The following TRIM23 variants were observed in gnomAD, a reference collection of about 807,000 sequenced individuals.
The protein encoded by TRIM23 is tripartite motif containing 23, also known as E3 ubiquitin-protein ligase TRIM23.
Under a neutral mutation model 71.0 loss-of-function variants are expected in TRIM23, and 27 were observed. That is an observed-to-expected ratio of 0.38 (90% CI 0.28 to 0.52). The LOEUF is 0.52. Among genes scored for constraint, TRIM23 ranks in the 20% least tolerant of loss-of-function variants. TRIM23 has a pLI of 0.84. For synonymous variants in TRIM23, 234 were observed against 238.0 expected (o/e 0.98, Z 0.16); for missense variants, 482 against 692.3 (o/e 0.70, Z 3.41).
chr5:65,618,035 G>A, intron 2 of TRIM23, 58 bp downstream of exon 2: 1 of 1,451,662 alleles, frequency 6.9e-7, no homozygotes, highest in South Asian at 1.4e-5. Flanking sequence ...TGTTTCCTAT[G>A]ACATTTGCAT....
Position 65,613,985 on chromosome 5 carries a change from G to A in TRIM23, c.366+113C>T, listed in dbSNP as rs983141785. 71 of 1,544,474 alleles carry A rather than the reference G, an allele frequency of 4.6e-5. 1 individual carries two copies. In the Middle Eastern group the frequency reaches 1.9e-3, roughly 42 times the overall value. ...GAACTGTAATGTAATGAAAAGTTGT[G>A]TTTCTAGAAATTTACCTGCTGAAAT... On this transcript the variant is annotated intron_variant, in intron 3 of 10. Transcript: ENST00000231524.
intron 2 of TRIM23, among the ~76,000 whole-genome samples, chr5:65,617,159 ACTGT>A (rs534907122): frequency 9.9e-4 from 150 of 151,776 alleles, no homozygotes; most frequent in South Asian, 9.8e-3. Context: ...TAATGTTATT[ACTGT>A]CTATTAGTTG....
rs758760022 is a variant in TRIM23 at position 65,611,687 on chromosome 5, C to T, written c.561G>A (p.Glu187=). 6.2e-7 allele frequency: 1 copy of T among 1,614,218 alleles called. No homozygotes were observed. The highest frequency in any genetic ancestry group is 8.5e-7 in the Non-Finnish European group (1 of 1,180,030). Residue 187 remains glutamate (E), a synonymous_variant, in exon 4 of 11, where the codon GAG becomes GAA. Coordinates refer to ENST00000231524, the MANE Select transcript of TRIM23 (RefSeq NM_001656.4). Reference sequence around the variant, plus strand: ...GACAACCTTCTTCCAAGCAAACAAACTCAATGGCATGCACCTGGTGCTGAG... The same window carrying T: ...GACAACCTTCTTCCAAGCAAACAAATTCAATGGCATGCACCTGGTGCTGAG... ...MCSQHQVHAI[E]FVCLEEGCQT...
chr5:65,608,762 C>A (rs1367027515), intron 6 of TRIM23, among the ~76,000 whole-genome samples: 2 of 152,080 alleles, frequency 1.3e-5, no homozygotes, highest in African/African-American at 2.4e-5. Flanking sequence ...ACAAAACATA[C>A]GTTTGCTCTA....
intron 1 of TRIM23, among the ~76,000 whole-genome samples, chr5:65,620,702 G>A (rs956555294): frequency 2.6e-5 from 4 of 152,138 alleles, no homozygotes; most frequent in Non-Finnish European, 4.4e-5. Context: ...AGCTATCCAC[G>A]TATAATTCTG....
chr5:65,624,112 G>C, intron 1 of TRIM23, 82 bp downstream of exon 1: 1 of 1,571,162 alleles, frequency 6.4e-7, no homozygotes, highest in Non-Finnish European at 8.7e-7. Flanking sequence ...ATCGAAGCCT[G>C]GGCCGCGGCG....
chr5:65,596,051 G>A (rs1754195438), intron 9 of TRIM23, among the ~76,000 whole-genome samples: 1 of 152,070 alleles, frequency 6.6e-6, no homozygotes, highest in African/African-American at 2.4e-5. Flanking sequence ...GATAAATGTT[G>A]AGTTTAACTG....
intron 7 of TRIM23, among the ~76,000 whole-genome samples, chr5:65,603,612 T>TTA (rs1405773498): frequency 6.6e-6 from 1 of 152,298 alleles, no homozygotes; most frequent in African/African-American, 2.4e-5. Flanking sequence ...AAAAGCTAGA[T>TTA]TTCTCTGAAT....
chr5:65,602,485 G>A (rs1002718731), intron 7 of TRIM23, among the ~76,000 whole-genome samples: 1 of 152,050 alleles, frequency 6.6e-6, no homozygotes, highest in Non-Finnish European at 1.5e-5. Flanking sequence ...ACACTTTCCT[G>A]TCTTCTTCTT....
chr5:65,591,551 C>G lies in TRIM23; in HGVS notation c.*218G>C, dbSNP rs1442613009. 5 of 1,443,512 alleles carry G rather than the reference C, an allele frequency of 3.5e-6. No homozygotes were observed. In the African/African-American group the frequency reaches 6.0e-5, roughly 17 times the overall value. 89.4% of individuals were successfully genotyped at this position (1,443,512 alleles called of 1,614,324 possible). A position where few individuals can be genotyped will look rare whatever the true frequency, so the allele number is the denominator to read the frequency against. On this transcript the variant is annotated 3_prime_UTR_variant, in exon 11 of 11. Transcript: ENST00000231524. ...AAAAGAATGTATATTCAATAAGTTT[C>G]TATTTAATTCAATCTAATCTGCTCA... is the stretch of plus-strand genomic sequence containing the variant.
intron 6 of TRIM23, among the ~76,000 whole-genome samples, chr5:65,608,147 T>C (rs1211389733): frequency 2.0e-5 from 3 of 152,084 alleles, no homozygotes; most frequent in Non-Finnish European, 4.4e-5. Flanking sequence ...AGGAAGAAGT[T>C]AGAATTATTA....
chr5:65,615,349 TC>T (rs1018645141), intron 2 of TRIM23, among the ~76,000 whole-genome samples: 4 of 152,182 alleles, frequency 2.6e-5, no homozygotes, highest in Non-Finnish European at 5.9e-5. Context: ...TACACACTCT[TC>T]CTGAACCTAT....
intron 2 of TRIM23, among the ~76,000 whole-genome samples, chr5:65,616,903 G>A (rs1754792057): frequency 2.0e-5 from 3 of 151,958 alleles, no homozygotes. Context: ...TACATTTTTA[G>A]AAGAAAAGGG....
chr5:65,599,083 AG>A (rs1280312820), intron 7 of TRIM23, among the ~76,000 whole-genome samples: 1 of 152,168 alleles, frequency 6.6e-6, no homozygotes, highest in Non-Finnish European at 1.5e-5. Context: ...TTAGGCAAGA[AG>A]AATAATAAAA....
chr5:65,603,354 C>T (rs1164656878), intron 7 of TRIM23, among the ~76,000 whole-genome samples: 1 of 152,030 alleles, frequency 6.6e-6, no homozygotes, highest in Non-Finnish European at 1.5e-5. Flanking sequence ...AAGTACCTTG[C>T]AGCTGGAAAA....
At chr5:65,594,755 A>G in intron 9 of TRIM23, 110 bp from the exon 10 acceptor site, 3 of 1,054,310 alleles carry the variant, frequency 2.8e-6, no homozygotes, top group Non-Finnish European at 3.8e-6. Context: ...TTTGTCTACC[A>G]TCATTATTTT....
intron 6 of TRIM23, among the ~76,000 whole-genome samples, chr5:65,605,568 T>C (rs1383727705): frequency 1.3e-5 from 2 of 152,218 alleles, no homozygotes; most frequent in Non-Finnish European, 2.9e-5. Flanking sequence ...TACTTATGCA[T>C]ACATTTCTAT....
In TRIM23 at chr5:65,618,111, G is replaced by C. The variant is rs768609393; in HGVS notation, c.226C>G (p.Arg76Gly). ...HGRAIRCPFD[R>G]QVTDLGDSGV... Reference sequence around the variant, plus strand: ...TTCCTACCTAGGTCTGTTACTTGTCGATCAAATGGGCAACGGATTGCTCTT... The same window carrying C: ...TTCCTACCTAGGTCTGTTACTTGTCCATCAAATGGGCAACGGATTGCTCTT... The change falls in exon 2 of 11, where the codon CGA (arginine) becomes GGA (glycine). Residue 76 changes from arginine to glycine, a missense_variant. Physicochemically the swap from Arg to Gly is moderately radical, Grantham distance 125 (BLOSUM62 -2). This residue lies in a region of TRIM23 where 175 missense variants were observed against 196.5 expected (regional missense o/e 0.89). Transcript: ENST00000231524. The C allele has an allele frequency of 1.2e-6, 2 of 1,612,296 alleles. No individual in the cohort carries two copies.
At chr5:65,604,792 T>C in intron 7 of TRIM23, 119 bp downstream of exon 7, 1 of 969,600 alleles carries the variant, frequency 1.0e-6, no homozygotes, top group Non-Finnish European at 1.4e-6. Context: ...ATAAAAGTTT[T>C]CTTAAAAAGC....
Sources: allele counts gnomAD v4.1 joint callset (sites outside exome capture counted in the v4.1 genomes callset), GRCh38; gene constraint gnomAD v4.1.1; regional missense constraint gnomAD v4.1.1; transcripts MANE v1.5; gene names NCBI Gene and HGNC (gene_info 2026-07-23, HGNC 2026-07-21).